PACC1: variants seen among roughly 807,000 people sequenced by gnomAD.
The protein encoded by PACC1 is proton activated chloride channel 1.
In PACC1, 34 loss-of-function variants were observed where a neutral mutation model predicts 39.7. The ratio of observed to expected loss-of-function variants is 0.86; its 90% CI spans 0.65 to 1.14. The LOEUF (loss-of-function observed/expected upper bound fraction) is 1.14, where lower values mean the gene tolerates loss of function less well. Ranked by LOEUF, PACC1 falls within the 50% of genes most tolerant of loss-of-function variation. The pLI is 0.00. For missense variants in PACC1, 379 were observed against 436.4 expected (o/e 0.87, Z 1.17); for synonymous variants, 127 against 160.6 (o/e 0.79, Z 1.58).
chr1:212,397,264 A>G (rs1661561935), intron 2 of PACC1, among the ~76,000 whole-genome samples: 1 of 152,238 alleles, frequency 6.6e-6, no homozygotes, highest in Non-Finnish European at 1.5e-5. Flanking sequence ...ACAGAGAAAC[A>G]AACAAAAAAA....
intron 2 of PACC1, among the ~76,000 whole-genome samples, chr1:212,391,873 G>A (rs12095810): frequency 0.053 from 8,051 of 152,166 alleles, 327 homozygotes; most frequent in Admixed American, 0.11. Context: ...GAAATGAAGC[G>A]AGAAGAGAAG....
intron 2 of PACC1, among the ~76,000 whole-genome samples, chr1:212,389,242 G>A (rs1446336592): frequency 3.9e-5 from 6 of 152,164 alleles, no homozygotes; most frequent in African/African-American, 1.4e-4. Context: ...ACAAAACCAT[G>A]AAAGGGAGGG....
At chr1:212,412,672 C>A (rs1392046874) in intron 1 of PACC1, among the ~76,000 whole-genome samples, 1 of 152,202 alleles carries the variant, frequency 6.6e-6, no homozygotes, top group African/African-American at 2.4e-5. Context: ...TGGGCCTTGG[C>A]CCTCCAAGCG....
Position 212,404,959 on chromosome 1 carries a change from G to C in PACC1, c.133+5466C>G, listed in dbSNP as rs372200716. On this transcript the variant is annotated intron_variant, in intron 2 of 7. Transcript: ENST00000261455. Reference sequence around the variant, plus strand: ...TAGTTTTTTTGGTATTTTTAGTAGAGATGGGGTTTCACCACGCTGGCCAGG... The same window carrying C: ...TAGTTTTTTTGGTATTTTTAGTAGACATGGGGTTTCACCACGCTGGCCAGG... Among the ~76,000 whole-genome samples the C allele has an allele frequency of 5.3e-5, 8 of 152,184 alleles. No individual in the cohort carries two copies. In the South Asian group the frequency reaches 8.3e-4, roughly 16 times the overall value.
At chr1:212,396,860 G>A (rs970056386) in intron 2 of PACC1, among the ~76,000 whole-genome samples, 3 of 150,792 alleles carry the variant, frequency 2.0e-5, no homozygotes, top group Non-Finnish European at 4.4e-5. Flanking sequence ...ATTACATATA[G>A]AGCACTGATA....
Position 212,395,403 on chromosome 1 carries a change from G to A in PACC1, c.134-8303C>T, listed in dbSNP as rs567704749. Among the ~76,000 whole-genome samples, 6 of 152,262 alleles carry A rather than the reference G, an allele frequency of 3.9e-5. No individual in the cohort carries two copies. In the South Asian group the frequency reaches 1.2e-3, roughly 32 times the overall value. On this transcript the variant is annotated intron_variant, in intron 2 of 7. Coordinates refer to ENST00000261455, the MANE Select transcript of PACC1 (RefSeq NM_018252.3). ...AGCCATATGTAGAAAGCTGAAACTG[G>A]ATCCCTTCCTTACACTGTATACAAA...
chr1:212,399,333 T>TA (rs1279025602), intron 2 of PACC1, among the ~76,000 whole-genome samples: 45 of 140,894 alleles, frequency 3.2e-4, no homozygotes, highest in African/African-American at 1.1e-3. Context: ...GAGAGAGTCT[T>TA]AAGAGTCCTG....
intron 7 of PACC1, among the ~76,000 whole-genome samples, chr1:212,371,583 G>C (rs547803228): frequency 6.7e-6 from 1 of 148,524 alleles, no homozygotes; most frequent in Non-Finnish European, 1.5e-5. Flanking sequence ...TGATGGCTTC[G>C]TTGCTAAATT....
At chr1:212,381,641 T>C (rs1038890728) in intron 4 of PACC1, among the ~76,000 whole-genome samples, 2 of 150,908 alleles carry the variant, frequency 1.3e-5, no homozygotes, top group Admixed American at 6.6e-5. Context: ...AGGGAACTGC[T>C]TGCCCTCCAC....
At chr1:212,414,631 GC>G in intron 1 of PACC1, 90 bp downstream of exon 1, 1 of 1,505,834 alleles carries the variant, frequency 6.6e-7, no homozygotes, top group Non-Finnish European at 9.1e-7. Context: ...CTGCCGCGCA[GC>G]CCCGACACCC....
At position 212,414,805 on chromosome 1, in the gene PACC1, C is replaced by T. The variant is rs78512337; in HGVS notation, c.-48G>A. 1,184 of 1,606,966 alleles carry T rather than the reference C, an allele frequency of 7.4e-4. 6 individuals are homozygous for T. In the African/African-American group the frequency reaches 0.014, roughly 20 times the overall value. On this transcript the variant is annotated 5_prime_UTR_variant, in exon 1 of 8. Coordinates refer to ENST00000261455, the MANE Select transcript of PACC1 (RefSeq NM_018252.3). The stretch of plus-strand genomic sequence containing the variant: ...CACCTGAGACCGCCCCAGCCCGCGG[C>T]GCACGGACGCAGCACTGCGGCCGCT...
intron 2 of PACC1, among the ~76,000 whole-genome samples, chr1:212,395,118 C>G (rs896467554): frequency 7.2e-5 from 11 of 152,018 alleles, no homozygotes; most frequent in African/African-American, 1.9e-4. Context: ...AAAAAGAGCC[C>G]GCATTGCCAA....
chr1:212,408,275 C>T lies in PACC1; in HGVS notation c.133+2150G>A, dbSNP rs150215549. Reference sequence around the variant, plus strand: ...AGAATTAAATGGGGCAAATGGGGTACGACAGATCCTGGCACAGGAGAAGCA... The same window carrying T: ...AGAATTAAATGGGGCAAATGGGGTATGACAGATCCTGGCACAGGAGAAGCA... On this transcript the variant is annotated intron_variant, in intron 2 of 7. Transcript: ENST00000261455. Among the ~76,000 whole-genome samples the T allele has an allele frequency of 3.3e-3, 504 of 152,050 alleles. 4 individuals are homozygous for T. Among genetic ancestry groups the T allele is most frequent in the African/African-American group, 0.012 (489 of 41,498 alleles).
chr1:212,388,471 C>A (rs1472479175), intron 2 of PACC1, among the ~76,000 whole-genome samples: 1 of 152,086 alleles, frequency 6.6e-6, no homozygotes, highest in East Asian at 1.9e-4. Flanking sequence ...AGCCCTAACC[C>A]TCAATGTGAG....
chr1:212,380,121 A>G, intron 4 of PACC1, 84 bp from the exon 5 acceptor site: 2 of 1,458,390 alleles, frequency 1.4e-6, no homozygotes, highest in Non-Finnish European at 1.9e-6. Context: ...ACTGACTGGA[A>G]AGCCCATAGC....
intron 2 of PACC1, among the ~76,000 whole-genome samples, chr1:212,403,254 C>A (rs1423979952): frequency 6.6e-6 from 1 of 152,206 alleles, no homozygotes; most frequent in East Asian, 1.9e-4. Context: ...TGATTTACAA[C>A]CCTGCACGTT....
chr1:212,397,984 A>C (rs984269736), intron 2 of PACC1, among the ~76,000 whole-genome samples: 10 of 152,224 alleles, frequency 6.6e-5, no homozygotes, highest in African/African-American at 2.4e-4. Context: ...AGTGCTCCTA[A>C]AGCCTTACAT....
At chr1:212,401,336 C>T (rs570090496) in intron 2 of PACC1, among the ~76,000 whole-genome samples, 4 of 152,092 alleles carry the variant, frequency 2.6e-5, no homozygotes, top group African/African-American at 9.6e-5. Flanking sequence ...ACTATGTTTT[C>T]GAGATACAGC....
chr1:212,368,134 G>A (rs1413922938), intron 7 of PACC1, among the ~76,000 whole-genome samples: 3 of 152,170 alleles, frequency 2.0e-5, no homozygotes, highest in African/African-American at 7.2e-5. Flanking sequence ...ATATCTAGAA[G>A]TCTACAAGAT....
Sources: gnomAD v4.1 joint callset for allele counts (sites outside exome capture counted in the v4.1 genomes callset) on GRCh38, gnomAD v4.1.1 for gene constraint, MANE v1.5 for transcripts, NCBI Gene and HGNC (gene_info 2026-07-23, HGNC 2026-07-21) for gene names.